The following LONRF3 variants were observed in gnomAD, a reference collection of about 807,000 sequenced individuals.
The protein encoded by LONRF3 is LON peptidase N-terminal domain and RING finger protein 3.
Under a neutral mutation model 51.7 loss-of-function variants are expected in LONRF3, and 19 were observed. The ratio of observed to expected loss-of-function variants is 0.37; its 90% CI spans 0.26 to 0.54. The LOEUF is 0.54. LONRF3 is among the 20% of genes least tolerant of loss of function. LONRF3 has a pLI of 0.86. For missense variants in LONRF3, 521 were observed against 623.9 expected (o/e 0.84, Z 1.76); for synonymous variants, 265 against 257.8 (o/e 1.03, Z -0.27).
intron 10 of LONRF3, among the ~76,000 whole-genome samples, chrX:119,015,008 T>C (rs1024959953): frequency 8.9e-6 from 1 of 111,987 alleles, no homozygotes; most frequent in African/African-American, 3.2e-5. Flanking sequence ...GTGTTCTTCC[T>C]GGGGGATAGG....
intron 7 of LONRF3, 74 bp downstream of exon 7, chrX:119,009,321 C>T (rs1924942800): frequency 1.0e-6 from 1 of 997,139 alleles, no homozygotes; most frequent in Admixed American, 2.7e-5. Context: ...CATTACTTCC[C>T]AGCTTCCGAC....
At chrX:118,996,529 G>A in intron 5 of LONRF3, among the ~76,000 whole-genome samples, 1 of 111,473 alleles carries the variant, frequency 9.0e-6, no homozygotes, top group Non-Finnish European at 1.9e-5. Flanking sequence ...CAGTGACCAA[G>A]CAGAGAGTCA....
intron 3 of LONRF3, among the ~76,000 whole-genome samples, chrX:118,985,771 T>A (rs1922906697): frequency 9.0e-6 from 1 of 111,585 alleles, no homozygotes; most frequent in Non-Finnish European, 1.9e-5. Flanking sequence ...GAGCTGAGCT[T>A]TGAAGGCTGA....
chrX:118,979,059 G>A (rs1354844957), intron 2 of LONRF3, among the ~76,000 whole-genome samples: 3 of 99,991 alleles, frequency 3.0e-5, no homozygotes, highest in Non-Finnish European at 6.0e-5. Context: ...GGAGTGCAGT[G>A]GCGCAATCTC....
chrX:118,975,163 A>C lies in LONRF3; in HGVS notation c.383A>C (p.Glu128Ala). ...GCGCTGGCGCCGGCGCCCCCGGACGAGGGTAGCACTGCAAGCGGCACCGTG... is the reference window on the plus strand; with the variant it reads ...GCGCTGGCGCCGGCGCCCCCGGACGCGGGTAGCACTGCAAGCGGCACCGTG... ...GEALAPAPPD[E>A]GSTASGTVAA... Residue 128 changes from glutamate to alanine, a missense_variant, in exon 1 of 11, where the codon GAG becomes GCG. Transcript: ENST00000371628. 8.5e-7 allele frequency: 1 copy of C among 1,173,400 alleles called. No homozygotes were observed. The highest frequency in any genetic ancestry group is 1.9e-5 in the South Asian group (1 of 53,390).
Position 118,975,773 on chromosome X carries a change from T to G in LONRF3, c.817+176T>G, listed in dbSNP as rs748407541. 8.9e-4 allele frequency among the ~76,000 whole-genome samples: 98 copies of G among 109,529 alleles called. 1 individual carries two copies. The highest frequency in any genetic ancestry group is 3.0e-3 in the African/African-American group (90 of 30,069). On this transcript the variant is annotated intron_variant, in intron 1 of 10. Coordinates refer to ENST00000371628, the MANE Select transcript of LONRF3 (RefSeq NM_001031855.3). ...TCTGGGGCTGGGTCTCTGAGTTTGTTCTGTTTTCACTGCTTATCTGTGTTT... is the reference window on the plus strand; with the variant it reads ...TCTGGGGCTGGGTCTCTGAGTTTGTGCTGTTTTCACTGCTTATCTGTGTTT...
intron 1 of LONRF3, 84 bp from the exon 2 acceptor site, chrX:118,978,261 G>C: frequency 1.7e-6 from 1 of 574,161 alleles, no homozygotes; most frequent in Non-Finnish European, 3.0e-6. Context: ...CTTATCATTT[G>C]CTCAAGATCC....
intron 2 of LONRF3, among the ~76,000 whole-genome samples, chrX:118,979,137 A>G (rs1260498443): frequency 1.9e-5 from 2 of 105,527 alleles, no homozygotes; most frequent in Non-Finnish European, 3.9e-5. Flanking sequence ...AGTAGTTGGG[A>G]CTACAGGCGC....
chrX:118,988,635 T>C (rs1923181567), intron 3 of LONRF3, among the ~76,000 whole-genome samples: 1 of 111,420 alleles, frequency 9.0e-6, no homozygotes, highest in Non-Finnish European at 1.9e-5. Context: ...TATCTTGACC[T>C]ATGGACTATG....
chrX:119,000,846 ACT>A (rs1924264016), intron 5 of LONRF3, among the ~76,000 whole-genome samples: 1 of 34,193 alleles, frequency 2.9e-5, no homozygotes, highest in Non-Finnish European at 5.8e-5. Flanking sequence ...TCTCACTGTC[ACT>A]CTCTCTTCCT....
rs368114169 is a variant in LONRF3 at position 119,014,373 on chromosome X, A to G, written c.2124+17A>G. The G allele has an allele frequency of 3.3e-5, 40 of 1,197,346 alleles. No individual in the cohort carries two copies. The highest frequency in any genetic ancestry group is 3.2e-4 in the African/African-American group (18 of 56,845). On this transcript the variant is annotated intron_variant, in intron 10 of 10. Transcript: ENST00000371628. Reference sequence around the variant, plus strand: ...GATCCTCAGGTATAGAAAAATGTCTATTTTTAAACGGGTTGTCCCACTAGA... The same window carrying G: ...GATCCTCAGGTATAGAAAAATGTCTGTTTTTAAACGGGTTGTCCCACTAGA...
At position 118,984,082 on chromosome X, in the gene LONRF3, T is replaced by C. The variant is rs141494261; in HGVS notation, c.1059+1139T>C. On this transcript the variant is annotated intron_variant, in intron 3 of 10. Coordinates refer to ENST00000371628, the MANE Select transcript of LONRF3 (RefSeq NM_001031855.3). ...AGAATTTCTTCTGCATTATACACTG[T>C]GCTAGGCATTTTATGTGGAGTATAT... Among the ~76,000 whole-genome samples the C allele has an allele frequency of 5.2e-3, 584 of 112,494 alleles. 2 individuals are homozygous for C. Among genetic ancestry groups the C allele is most frequent in the Non-Finnish European group, 7.9e-3 (420 of 53,322 alleles).
At position 119,013,043 on chromosome X, in the gene LONRF3, G is replaced by T; in HGVS notation, c.1816G>T (p.Ala606Ser). ...GACTCCATTCTCAATAAACAGGTTTGCAGAATATGGCTGCATCCTAGAGAT... is the reference window on the plus strand; with the variant it reads ...GACTCCATTCTCAATAAACAGGTTTTCAGAATATGGCTGCATCCTAGAGAT... ...MCLGDPVKGFAEYGCILEIRN... is the reference protein window; with the variant it reads ...MCLGDPVKGFSEYGCILEIRN... Residue 606 changes from alanine (A) to serine (S), a missense_variant, in exon 9 of 11, where the codon GCA becomes TCA. Transcript: ENST00000371628. 1.7e-6 allele frequency: 2 copies of T among 1,211,183 alleles called. No homozygotes were observed. The highest frequency in any genetic ancestry group is 2.2e-6 in the Non-Finnish European group (2 of 895,250).
At chrX:118,979,460 AT>A (rs1922386580) in intron 2 of LONRF3, among the ~76,000 whole-genome samples, 1 of 110,510 alleles carries the variant, frequency 9.0e-6, no homozygotes, top group Non-Finnish European at 1.9e-5. Context: ...TGCCCGGCTA[AT>A]TTTTTGTATT....
chrX:119,015,205 A>G (rs1276237130), intron 10 of LONRF3, among the ~76,000 whole-genome samples: 1 of 111,824 alleles, frequency 8.9e-6, no homozygotes, highest in Non-Finnish European at 1.9e-5. Flanking sequence ...GCTCTCCTAC[A>G]TTGATTCTTT....
At chrX:118,984,804 G>A (rs938354341) in intron 3 of LONRF3, among the ~76,000 whole-genome samples, 3 of 112,214 alleles carry the variant, frequency 2.7e-5, no homozygotes, top group African/African-American at 9.7e-5. Context: ...CCATGGCGGC[G>A]ATTCAGAACA....
chrX:119,014,456 A>G, intron 10 of LONRF3, 100 bp downstream of exon 10: 1 of 779,830 alleles, frequency 1.3e-6, no homozygotes, highest in Admixed American at 2.9e-5. Context: ...AGCACATCGA[A>G]TGCAGAGAGG....
chrX:118,997,992 G>A (rs891281470), intron 5 of LONRF3, among the ~76,000 whole-genome samples: 3 of 112,215 alleles, frequency 2.7e-5, no homozygotes, highest in African/African-American at 9.7e-5. Context: ...GCATGGATGT[G>A]GTGAACAGGG....
At chrX:118,979,223 T>G (rs1922356008) in intron 2 of LONRF3, among the ~76,000 whole-genome samples, 1 of 109,772 alleles carries the variant, frequency 9.1e-6, no homozygotes, top group Non-Finnish European at 1.9e-5. Context: ...CAGGATGGTC[T>G]CGATCTCCTG....
Sources: gnomAD v4.1 joint callset for allele counts (sites outside exome capture counted in the v4.1 genomes callset) on GRCh38, gnomAD v4.1.1 for gene constraint, MANE v1.5 for transcripts, NCBI Gene and HGNC (gene_info 2026-07-23, HGNC 2026-07-21) for gene names.